DNAH8: variants seen among roughly 807,000 people sequenced by gnomAD.
DNAH8 encodes the protein dynein axonemal heavy chain 8, also known as axonemal beta dynein heavy chain 8.
Under a neutral mutation model 562.1 loss-of-function variants are expected in DNAH8, and 382 were observed. The ratio of observed to expected loss-of-function variants is 0.68; its 90% confidence interval spans 0.63 to 0.74. DNAH8 has a LOEUF of 0.74. Among genes scored for constraint, DNAH8 ranks in the 30% least tolerant of loss-of-function variants. The probability of loss-of-function intolerance (pLI) is 0.00; values close to 1 mark genes in which losing one functional copy is unlikely to be tolerated. For missense variants in DNAH8, 5,203 were observed against 5,620.4 expected (o/e 0.93, Z 2.37); for synonymous variants, 1,881 against 1,919.4 (o/e 0.98, Z 0.52).
chr6:38,918,297 C>T (rs1489354798), intron 70 of DNAH8, among the ~76,000 whole-genome samples, 157 bp downstream of exon 70: 1 of 152,164 alleles, frequency 6.6e-6, no homozygotes, highest in Non-Finnish European at 1.5e-5. Context: ...CAAAGTTTCT[C>T]CTTCTTTTTA....
intron 31 of DNAH8, 86 bp downstream of exon 31, chr6:38,832,521 T>A: frequency 1.3e-6 from 1 of 792,216 alleles, no homozygotes; most frequent in South Asian, 1.7e-5. Context: ...GAGGAATAGG[T>A]ACGTTGCATG....
In DNAH8 at chr6:38,883,003, A is replaced by G; in HGVS notation, c.7952A>G (p.Asp2651Gly). 6.2e-7 allele frequency: 1 copy of G among 1,605,818 alleles called. No homozygotes were observed. The highest frequency in any genetic ancestry group is 8.5e-7 in the Non-Finnish European group (1 of 1,177,026). The change falls in exon 54 of 93, where the codon GAC becomes GGC. Residue 2651 changes from aspartate to glycine, a missense_variant. Coordinates refer to ENST00000327475, the MANE Select transcript of DNAH8 (RefSeq NM_001206927.2). ...TCATCAATTTTGGTTCCAAATGTTG[A>G]CAATATTAGAACAAATTTTTTGATA... ...EYSSILVPNV[D>G]NIRTNFLIDT...
chr6:38,918,188 A>G, intron 70 of DNAH8, 48 bp downstream of exon 70: 1 of 1,375,424 alleles, frequency 7.3e-7, no homozygotes, highest in Non-Finnish European at 1.0e-6. Context: ...TCATAAAATC[A>G]GTCATCAGTA....
At chr6:38,929,260 C>A (rs1265922143) in intron 74 of DNAH8, 1 of 294,344 alleles carries the variant, frequency 3.4e-6, no homozygotes, top group Admixed American at 4.9e-5. Context: ...GACATTGCAT[C>A]TGAGCAATGC....
intron 42 of DNAH8, among the ~76,000 whole-genome samples, chr6:38,860,028 C>A (rs2150405784): frequency 6.6e-6 from 1 of 152,256 alleles, no homozygotes; most frequent in African/African-American, 2.4e-5. Flanking sequence ...ATAGCACTTA[C>A]TCTTCCCACA....
Position 38,755,680 on chromosome 6 carries a change from A to G in DNAH8, c.1408-292A>G, listed in dbSNP as rs72849108. 0.11 allele frequency among the ~76,000 whole-genome samples: 17,141 copies of G among 152,210 alleles called. 1,320 individuals carry two copies. Among genetic ancestry groups the G allele is most frequent in the Admixed American group, 0.21 (3,246 of 15,264 alleles). On this transcript the variant is annotated intron_variant, in intron 9 of 92. Transcript: ENST00000327475. ...TCTCACCTCTAAAATTTAATTTTAG[A>G]TAAACTTTTAAGTTCAGATTTACAG...
chr6:38,934,019 G>A (rs766222816), intron 76 of DNAH8, among the ~76,000 whole-genome samples: 12 of 152,120 alleles, frequency 7.9e-5, no homozygotes, highest in Admixed American at 5.9e-4. Flanking sequence ...TGCATAAACC[G>A]TAGTTGGAGG....
Position 38,924,017 on chromosome 6 carries a change from C to G in DNAH8, c.10817C>G (p.Thr3606Arg). 1 of 1,613,942 alleles carries G rather than the reference C, an allele frequency of 6.2e-7. No homozygotes were observed. The highest frequency in any genetic ancestry group is 8.5e-7 in the Non-Finnish European group (1 of 1,179,890). ...CTTGTAGGTGATATTCTGCTGTGCA[C>G]GGGATTCCTTTCCTACCTTGGTCCT... ...NRLVGDILLCTGFLSYLGPFN... is the reference protein window; with the variant it reads ...NRLVGDILLCRGFLSYLGPFN... Residue 3606 changes from threonine to arginine, a missense_variant, in exon 73 of 93, where the codon ACG becomes AGG. Thr to Arg is a moderately conservative substitution (Grantham distance 71). Coordinates refer to ENST00000327475, the MANE Select transcript of DNAH8 (RefSeq NM_001206927.2).
Position 38,926,166 on chromosome 6 carries a change from G to A in DNAH8, c.11074G>A (p.Gly3692Ser), listed in dbSNP as rs765827233. 3 of 1,613,588 alleles carry A rather than the reference G, an allele frequency of 1.9e-6. No homozygotes were observed. The highest frequency in any genetic ancestry group is 2.5e-6 in the Non-Finnish European group (3 of 1,179,712). The change falls in exon 74 of 93, where the codon GGC becomes AGC. Residue 3692 changes from glycine to serine, a missense_variant. Gly to Ser is a moderately conservative substitution (Grantham distance 56). Around this residue, in one of 6 missense-constraint regions of DNAH8, gnomAD observed 1,399 missense variants for 1,518.4 expected, o/e 0.92. Transcript: ENST00000327475. ...YPLLIDPQTQ[G>S]KTWIKSKEKE... is the part of the protein sequence containing the mutation. ...ACTCCTCATAGACCCACAAACTCAA[G>A]GCAAAACTTGGATTAAATCAAAGGA...
chr6:39,026,405 C>T (rs1767286375), intron 91 of DNAH8, 141 bp from the exon 92 acceptor site: 6 of 755,888 alleles, frequency 7.9e-6, no homozygotes, highest in Admixed American at 5.5e-5. Flanking sequence ...CAAATGTCTC[C>T]CCTGGGGTTT....
chr6:38,823,043 C>T lies in DNAH8; in HGVS notation c.3720+9C>T, dbSNP rs1583102075. On this transcript the variant is annotated intron_variant, in intron 27 of 92. Transcript: ENST00000327475. Reference sequence around the variant, plus strand: ...GCGATGTGAAAGTGAAGGTGTCTTTCTGCTACTTGTGATGTTGTTTGGGTT... The same window carrying T: ...GCGATGTGAAAGTGAAGGTGTCTTTTTGCTACTTGTGATGTTGTTTGGGTT... 1.3e-6 allele frequency: 2 copies of T among 1,559,234 alleles called. No homozygotes were observed. Among genetic ancestry groups the T allele is most frequent in the Non-Finnish European group, 8.6e-7 (1 of 1,158,690 alleles).
At chr6:38,715,798 A>G in intron 1 of DNAH8, among the ~76,000 whole-genome samples, 1 of 108,926 alleles carries the variant, frequency 9.2e-6, no homozygotes, top group Non-Finnish European at 2.4e-5. Flanking sequence ...TGAAACAACT[A>G]CATATCGCTT....
chr6:38,878,835 A>G (rs1246639021), intron 53 of DNAH8, among the ~76,000 whole-genome samples: 1 of 152,208 alleles, frequency 6.6e-6, no homozygotes, highest in Non-Finnish European at 1.5e-5. Flanking sequence ...AAAATTGCTA[A>G]GAGAGTAAAT....
At chr6:38,905,966 C>G (rs1780433238) in intron 62 of DNAH8, among the ~76,000 whole-genome samples, 1 of 151,962 alleles carries the variant, frequency 6.6e-6, no homozygotes, top group East Asian at 1.9e-4. Context: ...AGTGCAGTGG[C>G]ATGATCTCGG....
rs768050370 is a variant in DNAH8, at chr6:38,723,087, TTCAG to T, written c.284_287del (p.Ser95Ter). The T allele has an allele frequency of 7.4e-6, 12 of 1,612,782 alleles. No individual in the cohort carries two copies. Among genetic ancestry groups the T allele is most frequent in the South Asian group, 5.5e-5 (5 of 91,066 alleles). On this transcript the variant is annotated frameshift_variant, in exon 2 of 93. Transcript: ENST00000327475. LOFTEE classifies it high-confidence loss of function. ...CGACAGAGGCTTGCACCGCGACCGG[TTCAG>T]TCAGTGATTTCGGAAGTGCTGTCCT...
At position 38,873,236 on chromosome 6, in the gene DNAH8, G is replaced by A; in HGVS notation, c.7480G>A (p.Ala2494Thr). 2 of 1,612,538 alleles carry A rather than the reference G, an allele frequency of 1.2e-6. No individual in the cohort carries two copies. The highest frequency in any genetic ancestry group is 8.5e-7 in the Non-Finnish European group (1 of 1,179,614). Residue 2494 changes from alanine (A) to threonine (T), a missense_variant and splice_region_variant, in exon 52 of 93, where the codon GCA (alanine) becomes ACA (threonine). Around this residue, in one of 6 missense-constraint regions of DNAH8, gnomAD observed 977 missense variants for 1,061.8 expected, o/e 0.92. Transcript: ENST00000327475. ...CACAGATTCTGTTTCTTTGTTGCAG[G>A]CATGGTTGAAGAAACGCACTGCACA... The part of the protein sequence containing the change: ...SALSWRPILQ[A>T]WLKKRTAQEA...
intron 91 of DNAH8, among the ~76,000 whole-genome samples, chr6:39,018,233 G>T (rs1306216120): frequency 6.6e-6 from 1 of 152,160 alleles, no homozygotes; most frequent in African/African-American, 2.4e-5. Flanking sequence ...TGTAATTCCA[G>T]TTTCTGCATG....
intron 3 of DNAH8, among the ~76,000 whole-genome samples, chr6:38,726,568 G>T (rs1699000): frequency 6.6e-6 from 1 of 152,172 alleles, no homozygotes; most frequent in Non-Finnish European, 1.5e-5. Flanking sequence ...GGAAATGTAG[G>T]CATTAAGGAA....
chr6:38,821,729 A>G (rs572798470), intron 26 of DNAH8, among the ~76,000 whole-genome samples: 6 of 151,860 alleles, frequency 4.0e-5, no homozygotes, highest in Non-Finnish European at 7.4e-5. Flanking sequence ...TGCTCAGCTA[A>G]TTTTTGTATT....
Sources: gnomAD v4.1 joint callset for allele counts (sites outside exome capture counted in the v4.1 genomes callset) on GRCh38, gnomAD v4.1.1 for gene constraint, gnomAD v4.1.1 regional missense constraint, MANE v1.5 for transcripts, NCBI Gene and HGNC (gene_info 2026-07-23, HGNC 2026-07-21) for gene names.